The following KIF5B variants were observed in gnomAD, a reference collection of about 807,000 sequenced individuals.
The protein encoded by KIF5B is kinesin-1 heavy chain.
In KIF5B, 49 loss-of-function variants were observed where a neutral mutation model predicts 132.8. That is an observed-to-expected ratio of 0.37 (90% CI 0.29 to 0.47). The LOEUF (loss-of-function observed/expected upper bound fraction) is 0.47, where lower values mean the gene tolerates loss of function less well. KIF5B is among the 20% of genes least tolerant of loss of function. KIF5B has a pLI of 1.00. For synonymous variants in KIF5B, 355 were observed against 369.4 expected (o/e 0.96, Z 0.45); for missense variants, 780 against 1,144.0 (o/e 0.68, Z 4.59).
intron 24 of KIF5B, among the ~76,000 whole-genome samples, chr10:32,016,707 A>AT (rs1178375332): frequency 6.6e-6 from 1 of 151,674 alleles, no homozygotes; most frequent in Non-Finnish European, 1.5e-5. Flanking sequence ...TGCCTGGCTA[A>AT]TTTTTTTTAT....
intron 13 of KIF5B, among the ~76,000 whole-genome samples, chr10:32,031,515 G>C (rs549433704): frequency 6.6e-6 from 1 of 152,238 alleles, no homozygotes; most frequent in South Asian, 2.1e-4. Context: ...TAGAAGAGAA[G>C]ATAGGCACAT....
Position 32,022,866 on chromosome 10 carries a change from A to G in KIF5B, c.1896T>C (p.Cys632=), listed in dbSNP as rs1841283460. Residue 632 remains cysteine (C), a synonymous_variant, in exon 16 of 26, where the codon TGT becomes TGC. Coordinates refer to ENST00000302418, the MANE Select transcript of KIF5B (RefSeq NM_004521.3). ...AACATACTTGAGAGATACGAAGCTG[A>G]CATGCTGCTAACTCCTTTTCATTTT... ...MEENEKELAA[C]QLRISQHEAK... 1 of 1,610,820 alleles carries G rather than the reference A, an allele frequency of 6.2e-7. No homozygotes were observed. The highest frequency in any genetic ancestry group is 8.5e-7 in the Non-Finnish European group (1 of 1,177,790).
chr10:32,026,278 C>T (rs2132592009), intron 15 of KIF5B, among the ~76,000 whole-genome samples: 1 of 151,450 alleles, frequency 6.6e-6, no homozygotes, highest in South Asian at 2.1e-4. Context: ...ACTAAAAATA[C>T]AAAAACAAAA....
chr10:32,026,437 C>CAAAAAAAAAAAAAA lies in KIF5B; in HGVS notation c.1725+1977_1725+1990dup, dbSNP rs71027049. ...TGGGAGACACAGTGAGATTCCGTCT[C>CAAAAAAAAAAAAAA]AAAAAAAAAAAAAAAAAAAAAAAAG... On this transcript the variant is annotated intron_variant, in intron 15 of 25. Transcript: ENST00000302418. 1.0e-4 allele frequency among the ~76,000 whole-genome samples: 5 copies of CAAAAAAAAAAAAAA among 48,928 alleles called. 2 individuals carry two copies. The highest frequency in any genetic ancestry group is 1.8e-4 in the Non-Finnish European group (5 of 28,302). 32.1% of individuals were successfully genotyped at this position (48,928 alleles called of 152,430 possible). A position where few individuals can be genotyped will look rare whatever the true frequency, so the allele number is the denominator to read the frequency against.
At chr10:32,023,167 A>AT (rs869257690) in intron 15 of KIF5B, 131 bp from the exon 16 acceptor site, 1 of 460,336 alleles carries the variant, frequency 2.2e-6, no homozygotes, top group African/African-American at 2.0e-5. Flanking sequence ...TCTGGATCTT[A>AT]TTTTTTTCTT....
Position 32,015,534 on chromosome 10 carries a change from CTTGT to C in KIF5B, c.2883_2886del (p.Gln962CysfsTer13). On this transcript the variant is annotated frameshift_variant, in exon 25 of 26. Coordinates refer to ENST00000302418, the MANE Select transcript of KIF5B (RefSeq NM_004521.3). LOFTEE classifies it high-confidence loss of function. ...CTGTGGGTATGTATAAACGATTACA[CTTGT>C]TTGCCTCCTCCACCTCGCACTGCCA... The C allele has an allele frequency of 6.2e-7, 1 of 1,609,080 alleles. No individual in the cohort carries two copies. Among genetic ancestry groups the C allele is most frequent in the Non-Finnish European group, 8.5e-7 (1 of 1,178,006 alleles).
chr10:32,041,887 A>C (rs955738724), intron 2 of KIF5B, among the ~76,000 whole-genome samples: 8 of 152,294 alleles, frequency 5.3e-5, no homozygotes, highest in African/African-American at 1.9e-4. Flanking sequence ...AAGCCTCACA[A>C]AGTGCTGGGA....
In KIF5B at chr10:32,031,207, C is replaced by G; in HGVS notation, c.1447G>C (p.Ala483Pro). ...ELNRLQAEND[A>P]SKEEVKEVLQ... ...ACTTCTTTCACTTCTTCTTTAGAGG[C>G]ATCATTTTCTGCTTGAAGGCGATTC... The change falls in exon 14 of 26, where the codon GCC becomes CCC. Residue 483 changes from alanine (A) to proline (P), a missense_variant. This residue lies in a region of KIF5B where 471 missense variants were observed against 569.9 expected (regional missense o/e 0.83). Coordinates refer to ENST00000302418, the MANE Select transcript of KIF5B (RefSeq NM_004521.3). 1 of 1,614,006 alleles carries G rather than the reference C, an allele frequency of 6.2e-7. No individual in the cohort carries two copies. Among genetic ancestry groups the G allele is most frequent in the Non-Finnish European group, 8.5e-7 (1 of 1,179,964 alleles).
intron 5 of KIF5B, 141 bp from the exon 6 acceptor site, chr10:32,038,359 C>T (rs1452270101): frequency 6.3e-6 from 4 of 637,608 alleles, no homozygotes; most frequent in Non-Finnish European, 1.1e-5. Context: ...CTAAAGCAGA[C>T]CTTACAGACA....
chr10:32,026,038 G>A (rs1230249072), intron 15 of KIF5B, among the ~76,000 whole-genome samples: 2 of 152,050 alleles, frequency 1.3e-5, no homozygotes, highest in East Asian at 1.9e-4. Context: ...TCTAAATACC[G>A]GACCTATAAT....
rs1564468769 is a variant in KIF5B at position 32,038,227 on chromosome 10, GA to G, written c.443-10del. 3 of 1,596,310 alleles carry G rather than the reference GA, an allele frequency of 1.9e-6. No homozygotes were observed. Among genetic ancestry groups the G allele is most frequent in the Non-Finnish European group, 2.6e-6 (3 of 1,165,538 alleles). ...AAGGTTGGTCTTTGAAACTGAGAAA[GA>G]AAAACAAATGTTAGCAACATTCTCC... On this transcript the variant is annotated splice_polypyrimidine_tract_variant and intron_variant, in intron 5 of 25. Coordinates refer to ENST00000302418, the MANE Select transcript of KIF5B (RefSeq NM_004521.3).
chr10:32,022,984 TAG>T lies in KIF5B; in HGVS notation c.1776_1777del (p.Tyr593HisfsTer2). On this transcript the variant is annotated frameshift_variant, in exon 16 of 26. Transcript: ENST00000302418. LOFTEE classifies it high-confidence loss of function. ...TACTTCTGACTTCATTTTGCTAATG[TAG>T]AGTCTTGCAACAGTGAACTCTTCAT... The T allele has an allele frequency of 6.2e-7, 1 of 1,613,240 alleles. No individual in the cohort carries two copies. Among genetic ancestry groups the T allele is most frequent in the Non-Finnish European group, 8.5e-7 (1 of 1,179,374 alleles).
intron 2 of KIF5B, among the ~76,000 whole-genome samples, 181 bp from the exon 3 acceptor site, chr10:32,040,638 C>G (rs1841522101): frequency 6.7e-6 from 1 of 148,538 alleles, no homozygotes; most frequent in Non-Finnish European, 1.5e-5. Context: ...CACACACACA[C>G]ACACACACAC....
In KIF5B at chr10:32,035,626, A is replaced by T; in HGVS notation, c.858T>A (p.Leu286=). 1 of 1,613,118 alleles carries T rather than the reference A, an allele frequency of 6.2e-7. No individual in the cohort carries two copies. The highest frequency in any genetic ancestry group is 8.5e-7 in the Non-Finnish European group (1 of 1,179,340). ...PYRDSKMTRI[L]QDSLGGNCRT... is the part of the protein sequence containing the mutation. The stretch of plus-strand genomic sequence containing the variant: ...TACAGTTGCCACCTAATGAATCTTG[A>T]AGGATTCTTGTCATTTTACTATCTC... The change falls in exon 10 of 26, where the codon CTT becomes CTA. Residue 286 remains leucine, a synonymous_variant. Transcript: ENST00000302418.
intron 1 of KIF5B, among the ~76,000 whole-genome samples, chr10:32,051,829 A>C (rs887335417): frequency 6.6e-6 from 1 of 152,234 alleles, no homozygotes; most frequent in African/African-American, 2.4e-5. Flanking sequence ...CTAATGGTCT[A>C]TAATTAAGGC....
At chr10:32,041,813 C>A (rs1339101931) in intron 2 of KIF5B, among the ~76,000 whole-genome samples, 1 of 152,140 alleles carries the variant, frequency 6.6e-6, no homozygotes, top group African/African-American at 2.4e-5. Context: ...TTTGTAGAGA[C>A]AGGGTCTTGC....
chr10:32,016,195 G>C (rs911885580), intron 24 of KIF5B, among the ~76,000 whole-genome samples: 11 of 152,006 alleles, frequency 7.2e-5, no homozygotes, highest in Admixed American at 5.9e-4. Flanking sequence ...AGTGGCTCAT[G>C]CCTGTAATCC....
intron 1 of KIF5B, among the ~76,000 whole-genome samples, 153 bp downstream of exon 1, chr10:32,055,695 C>G (rs1208794497): frequency 6.6e-6 from 1 of 152,182 alleles, no homozygotes; most frequent in Non-Finnish European, 1.5e-5. Context: ...GCGCAGTCTC[C>G]CTCCACTGGG....
chr10:32,014,401 C>G (rs1241272216), intron 25 of KIF5B, among the ~76,000 whole-genome samples: 18 of 121,026 alleles, frequency 1.5e-4, no homozygotes, highest in Non-Finnish European at 2.7e-4. Flanking sequence ...CGGAGTGGGG[C>G]AGGGGGGTGT....
Sources: gnomAD v4.1 joint callset for allele counts (sites outside exome capture counted in the v4.1 genomes callset) on GRCh38, gnomAD v4.1.1 for gene constraint, gnomAD v4.1.1 regional missense constraint, MANE v1.5 for transcripts, NCBI Gene and HGNC (gene_info 2026-07-23, HGNC 2026-07-21) for gene names.